CCSER1: variants seen among roughly 807,000 people sequenced by gnomAD.
CCSER1 encodes the protein coiled-coil serine rich protein 1.
CCSER1 carries 41 observed loss-of-function variants against 82.0 expected under a neutral mutation model. That is an observed-to-expected ratio of 0.50 (90% confidence interval 0.39 to 0.65). The LOEUF (loss-of-function observed/expected upper bound fraction) is 0.65. CCSER1 is among the 30% of genes least tolerant of loss of function. The pLI, the probability that CCSER1 is intolerant of heterozygous loss-of-function variation, is 0.00. For synonymous variants in CCSER1, 414 were observed against 383.9 expected, an observed-to-expected ratio of 1.08 and a Z score of -0.92; for missense variants, 1,119 against 1,064.2, an observed-to-expected ratio of 1.05 and a Z score of -0.72.
chr4:91,384,044 C>G (rs1175870413), intron 10 of CCSER1, among the ~76,000 whole-genome samples: 2 of 152,072 alleles, frequency 1.3e-5, no homozygotes, highest in Non-Finnish European at 2.9e-5. Flanking sequence ...TAATCTATTC[C>G]TGTTCCAGTT....
chr4:91,010,186 GT>G (rs997316368), intron 9 of CCSER1, among the ~76,000 whole-genome samples: 2 of 151,800 alleles, frequency 1.3e-5, no homozygotes, highest in African/African-American at 2.4e-5. Flanking sequence ...AAGTGGCAGG[GT>G]TTTTTTTGTT....
At chr4:90,568,967 C>T (rs968366516) in intron 5 of CCSER1, among the ~76,000 whole-genome samples, 16 of 151,936 alleles carry the variant, frequency 1.1e-4, no homozygotes, top group Non-Finnish European at 2.9e-5. Context: ...AGGATTTCAC[C>T]ATGTTGGTCA....
chr4:90,162,791 TTGTG>T (rs1202343711), intron 1 of CCSER1, among the ~76,000 whole-genome samples: 1 of 152,112 alleles, frequency 6.6e-6, no homozygotes, highest in Non-Finnish European at 1.5e-5. Flanking sequence ...GGAGATAGCC[TTGTG>T]GGATTCTTAT....
rs138921238 is a variant in CCSER1 at position 91,158,494 on chromosome 4, A to G, written c.2217+72500A>G. 2.1e-3 allele frequency among the ~76,000 whole-genome samples: 318 copies of G among 152,096 alleles called. 2 individuals are homozygous for G. Among genetic ancestry groups the G allele is most frequent in the African/African-American group, 7.6e-3 (315 of 41,534 alleles). ...GGAAATTTTGCTCCACTATCATAAA[A>G]TCATATACTATATCCTCTCTACTGT... On this transcript the variant is annotated intron_variant, in intron 10 of 10. Transcript: ENST00000509176.
intron 10 of CCSER1, chr4:91,108,193 TAAATC>T (rs2148866432): frequency 6.6e-6 from 1 of 152,382 alleles, no homozygotes; most frequent in East Asian, 1.9e-4. Context: ...TTGTATTTCT[TAAATC>T]AAATCATTGC....
chr4:90,713,611 G>C (rs978773438), intron 6 of CCSER1, among the ~76,000 whole-genome samples: 1 of 151,510 alleles, frequency 6.6e-6, no homozygotes, highest in Non-Finnish European at 1.5e-5. Flanking sequence ...GAGTCTGATG[G>C]CTATGTGTCT....
chr4:91,527,967 T>A (rs1473035172), intron 10 of CCSER1, among the ~76,000 whole-genome samples: 2 of 152,122 alleles, frequency 1.3e-5, no homozygotes, highest in Non-Finnish European at 2.9e-5. Flanking sequence ...CAGGCTGGAG[T>A]GCAGTGTCGC....
intron 10 of CCSER1, among the ~76,000 whole-genome samples, chr4:91,314,087 C>G (rs1309697216): frequency 1.3e-5 from 2 of 151,944 alleles, no homozygotes; most frequent in African/African-American, 4.8e-5. Flanking sequence ...CTTCTCTTTC[C>G]TATTCCATAA....
chr4:90,220,411 G>A lies in CCSER1; in HGVS notation c.-41-87833G>A, dbSNP rs561456201. Among the ~76,000 whole-genome samples the A allele has an allele frequency of 6.6e-5, 10 of 150,892 alleles. No homozygotes were observed. The East Asian group carries it at 1.8e-3, about 26-fold the overall frequency. Reference sequence around the variant, plus strand: ...CTATGATTTTTTTTTTAACTTTGTCGCCTATGTGATTTTTTCCCCTGCACA... The same window carrying A: ...CTATGATTTTTTTTTTAACTTTGTCACCTATGTGATTTTTTCCCCTGCACA... On this transcript the variant is annotated intron_variant, in intron 1 of 10. Transcript: ENST00000509176.
intron 5 of CCSER1, among the ~76,000 whole-genome samples, chr4:90,497,172 G>T (rs781775894): frequency 5.3e-5 from 8 of 152,028 alleles, no homozygotes; most frequent in Non-Finnish European, 1.0e-4. Context: ...AACAGTACTA[G>T]TCATCCACAT....
At chr4:90,707,453 C>G (rs1739582150) in intron 6 of CCSER1, among the ~76,000 whole-genome samples, 1 of 151,770 alleles carries the variant, frequency 6.6e-6, no homozygotes, top group South Asian at 2.1e-4. Flanking sequence ...CAGACAACAC[C>G]TTGGAAATCA....
chr4:90,386,923 C>T (rs1750150215), intron 3 of CCSER1, among the ~76,000 whole-genome samples: 1 of 152,172 alleles, frequency 6.6e-6, no homozygotes, highest in Non-Finnish European at 1.5e-5. Context: ...TGTCATTTAT[C>T]AGTAGCTGAA....
intron 8 of CCSER1, among the ~76,000 whole-genome samples, chr4:90,883,076 C>A (rs13111827): frequency 0.058 from 8,842 of 152,046 alleles, 375 homozygotes; most frequent in Non-Finnish European, 0.084. Flanking sequence ...TCTATCAACA[C>A]ACATGTAGTA....
intron 10 of CCSER1, among the ~76,000 whole-genome samples, chr4:91,468,027 A>C (rs564642475): frequency 3.3e-5 from 5 of 152,234 alleles, no homozygotes; most frequent in African/African-American, 4.8e-5. Flanking sequence ...ATTATAAATC[A>C]TGCTGCTATA....
intron 10 of CCSER1, among the ~76,000 whole-genome samples, chr4:91,432,753 C>T (rs1754404101): frequency 6.6e-6 from 1 of 152,080 alleles, no homozygotes; most frequent in Non-Finnish European, 1.5e-5. Context: ...GAGGTTTATA[C>T]ATTAGGGAAA....
intron 6 of CCSER1, among the ~76,000 whole-genome samples, chr4:90,715,273 A>G (rs1000737541): frequency 2.3e-4 from 35 of 152,006 alleles, no homozygotes; most frequent in African/African-American, 8.0e-4. Context: ...CACAAAACCT[A>G]CTCGTCCCTA....
chr4:91,245,605 G>A lies in CCSER1; in HGVS notation c.2217+159611G>A, dbSNP rs1157655564. On this transcript the variant is annotated intron_variant, in intron 10 of 10. Coordinates refer to ENST00000509176, the MANE Select transcript of CCSER1 (RefSeq NM_001145065.2). The stretch of plus-strand genomic sequence containing the variant: ...TTCCCAAGACAAACAAAAACTTAGG[G>A]ATTTCATCAACAGGAGACCTGTCCT... Among the ~76,000 whole-genome samples the A allele has an allele frequency of 3.3e-5, 5 of 152,106 alleles. No homozygotes were observed. In the East Asian group the frequency reaches 7.7e-4, roughly 23 times the overall value.
chr4:90,133,580 G>A (rs954196518), intron 1 of CCSER1, among the ~76,000 whole-genome samples: 2 of 152,084 alleles, frequency 1.3e-5, no homozygotes, highest in Non-Finnish European at 1.5e-5. Context: ...ATAGCTCTAC[G>A]TCTTTCAAGC....
chr4:90,997,316 T>C (rs914698070), intron 9 of CCSER1, among the ~76,000 whole-genome samples: 2 of 152,170 alleles, frequency 1.3e-5, no homozygotes, highest in African/African-American at 4.8e-5. Flanking sequence ...TGCTTCTTTC[T>C]CTCACCTCTG....
Sources: allele counts gnomAD v4.1 joint callset (sites outside exome capture counted in the v4.1 genomes callset), GRCh38; gene constraint gnomAD v4.1.1; transcripts MANE v1.5; gene names NCBI Gene and HGNC (gene_info 2026-07-23, HGNC 2026-07-21).